Variants in FAM3C observed in about 807,000 individuals in gnomAD.
The protein encoded by FAM3C is protein FAM3C.
A neutral mutation model predicts 32.5 loss-of-function variants in FAM3C; 15 were observed. The observed-to-expected ratio is 0.46, with a 90% CI of 0.31 to 0.71. The LOEUF (loss-of-function observed/expected upper bound fraction) is 0.71, where lower values mean the gene tolerates loss of function less well. FAM3C is among the 30% of genes least tolerant of loss of function. The pLI, the probability that FAM3C is intolerant of heterozygous loss-of-function variation, is 0.05. For synonymous variants in FAM3C, 75 were observed against 86.1 expected, an observed-to-expected ratio of 0.87 and a Z score of 0.72; for missense variants, 175 against 274.4, an observed-to-expected ratio of 0.64 and a Z score of 2.56.
chr7:121,364,015 A>G, intron 6 of FAM3C, 115 bp downstream of exon 6: 1 of 714,876 alleles, frequency 1.4e-6, no homozygotes, highest in Admixed American at 2.2e-5. Context: ...GATGGGACAG[A>G]GGGCTTTATC....
At chr7:121,395,865 G>A (rs1478236634) in intron 1 of FAM3C, among the ~76,000 whole-genome samples, 2 of 151,990 alleles carry the variant, frequency 1.3e-5, no homozygotes, top group Non-Finnish European at 2.9e-5. Flanking sequence ...CCAGGCCGGG[G>A]CGCCGAGTGC....
At chr7:121,355,317 T>A (rs1216815202) in intron 8 of FAM3C, among the ~76,000 whole-genome samples, 1 of 152,174 alleles carries the variant, frequency 6.6e-6, no homozygotes, top group Non-Finnish European at 1.5e-5. Flanking sequence ...ATCATCAAGG[T>A]AGTGTCAGTT....
At chr7:121,359,981 A>C in intron 8 of FAM3C, 62 bp downstream of exon 8, 1 of 885,654 alleles carries the variant, frequency 1.1e-6, no homozygotes, top group Non-Finnish European at 1.9e-6. Context: ...TTTTTTAATG[A>C]AAATGTATTG....
chr7:121,351,127 A>G lies in FAM3C; in HGVS notation c.594+16T>C. On this transcript the variant is annotated intron_variant, in intron 9 of 9. Transcript: ENST00000359943. ...AGAATTTGTTTTTGTTAATTCTGAG[A>G]GTCTATGACACTAACCTGTTCAAAA... 6.2e-7 allele frequency: 1 copy of G among 1,603,496 alleles called. No individual in the cohort carries two copies. Among genetic ancestry groups the G allele is most frequent in the Non-Finnish European group, 8.5e-7 (1 of 1,175,304 alleles).
intron 1 of FAM3C, among the ~76,000 whole-genome samples, chr7:121,390,608 T>A (rs1794554482): frequency 6.6e-6 from 1 of 152,048 alleles, no homozygotes; most frequent in Non-Finnish European, 1.5e-5. Context: ...CAATGAAACA[T>A]CATATGTTCT....
chr7:121,382,271 G>A (rs191096585), intron 2 of FAM3C, among the ~76,000 whole-genome samples: 2 of 152,182 alleles, frequency 1.3e-5, no homozygotes. Flanking sequence ...ATCTAATGGT[G>A]TTTTTCAATT....
chr7:121,354,502 G>A (rs1793770006), intron 8 of FAM3C, among the ~76,000 whole-genome samples: 1 of 152,192 alleles, frequency 6.6e-6, no homozygotes, highest in African/African-American at 2.4e-5. Context: ...GAATCTGTGG[G>A]TTCTGCCTCA....
At chr7:121,371,185 T>C in intron 5 of FAM3C, 115 bp downstream of exon 5, 1 of 1,239,948 alleles carries the variant, frequency 8.1e-7, no homozygotes, top group East Asian at 2.4e-5. Flanking sequence ...AAAATGGAAA[T>C]CACTTTCCAT....
intron 5 of FAM3C, among the ~76,000 whole-genome samples, chr7:121,365,541 C>T (rs1264500624): frequency 6.6e-6 from 1 of 151,990 alleles, no homozygotes; most frequent in Non-Finnish European, 1.5e-5. Flanking sequence ...TAGGGAGATA[C>T]ATTCAAAAAC....
At chr7:121,383,724 T>C (rs12706339) in intron 1 of FAM3C, among the ~76,000 whole-genome samples, 17,782 of 152,200 alleles carry the variant, frequency 0.12, 1,369 homozygotes, top group Non-Finnish European at 0.17. Context: ...TGTATGTGCA[T>C]GGGTGTTTTC....
chr7:121,362,986 AAT>A, intron 6 of FAM3C, 39 bp from the exon 7 acceptor site: 1 of 945,512 alleles, frequency 1.1e-6, no homozygotes, highest in Non-Finnish European at 1.7e-6. Flanking sequence ...ATGCATCTGA[AAT>A]ATATCATACA....
chr7:121,356,541 C>T (rs2270215), intron 8 of FAM3C, among the ~76,000 whole-genome samples: 83,199 of 151,994 alleles, frequency 0.55, 25,126 homozygotes, highest in African/African-American at 0.82. Context: ...TAACACTGTA[C>T]TGTGAATATT....
At chr7:121,368,388 A>G (rs1354460934) in intron 5 of FAM3C, among the ~76,000 whole-genome samples, 1 of 152,220 alleles carries the variant, frequency 6.6e-6, no homozygotes, top group Non-Finnish European at 1.5e-5. Context: ...ATGTACTCAG[A>G]GCAGGTGCTG....
intron 8 of FAM3C, among the ~76,000 whole-genome samples, chr7:121,357,635 C>G (rs1157271315): frequency 1.3e-5 from 2 of 152,200 alleles, no homozygotes; most frequent in Non-Finnish European, 2.9e-5. Flanking sequence ...AATTCGTGTG[C>G]CCCAAACTAA....
intron 8 of FAM3C, among the ~76,000 whole-genome samples, chr7:121,356,922 C>T (rs1014484640): frequency 6.6e-6 from 1 of 152,100 alleles, no homozygotes; most frequent in African/African-American, 2.4e-5. Flanking sequence ...AAGTTTTTCT[C>T]TATCTTGTTT....
intron 3 of FAM3C, among the ~76,000 whole-genome samples, chr7:121,376,509 G>A (rs2116931017): frequency 6.6e-6 from 1 of 152,230 alleles, no homozygotes; most frequent in Non-Finnish European, 1.5e-5. Flanking sequence ...GAAGTATTTT[G>A]GATGTGGGAT....
At chr7:121,382,414 C>T (rs898625138) in intron 2 of FAM3C, among the ~76,000 whole-genome samples, 5 of 152,100 alleles carry the variant, frequency 3.3e-5, no homozygotes, top group Admixed American at 1.3e-4. Flanking sequence ...AATTTAAGTA[C>T]ATACATATGA....
chr7:121,389,434 TA>T (rs1187894758), intron 1 of FAM3C, among the ~76,000 whole-genome samples: 1 of 152,144 alleles, frequency 6.6e-6, no homozygotes, highest in East Asian at 1.9e-4. Context: ...AACTTTTTCC[TA>T]AAAAAGATAT....
intron 3 of FAM3C, among the ~76,000 whole-genome samples, chr7:121,377,752 T>A (rs749940716): frequency 7.2e-5 from 11 of 152,232 alleles, no homozygotes; most frequent in Non-Finnish European, 1.2e-4. Flanking sequence ...GATACATAAA[T>A]ACTTATCATT....
Sources: allele counts gnomAD v4.1 joint callset (sites outside exome capture counted in the v4.1 genomes callset), GRCh38; gene constraint gnomAD v4.1.1; transcripts MANE v1.5; gene names NCBI Gene and HGNC (gene_info 2026-07-23, HGNC 2026-07-21).